Variants in UBE2E1 observed in about 807,000 individuals in gnomAD.
UBE2E1 encodes ubiquitin-conjugating enzyme E2 E1.
In UBE2E1, 6 loss-of-function variants were observed where a neutral mutation model predicts 21.4. That is an observed-to-expected ratio of 0.28 (90% CI 0.15 to 0.55). The LOEUF (loss-of-function observed/expected upper bound fraction) is 0.55, where lower values mean the gene tolerates loss of function less well. Ranked by LOEUF, UBE2E1 falls within the 20% of genes least tolerant of loss-of-function variation. The probability of loss-of-function intolerance (pLI) is 0.93; values close to 1 mark genes in which losing one functional copy is unlikely to be tolerated. For missense variants in UBE2E1, 142 were observed against 236.5 expected, an observed-to-expected ratio of 0.60 and a Z score of 2.62; for synonymous variants, 87 against 82.7, an observed-to-expected ratio of 1.05 and a Z score of -0.28.
chr3:23,867,319 G>C (rs924067221), intron 3 of UBE2E1, among the ~76,000 whole-genome samples: 1 of 152,108 alleles, frequency 6.6e-6, no homozygotes, highest in Non-Finnish European at 1.5e-5. Context: ...TTGGTTCTTG[G>C]AGTGATACTT....
At chr3:23,845,615 G>GTGTGTGTGTGTGTA (rs1559483398) in intron 3 of UBE2E1, among the ~76,000 whole-genome samples, 1 of 150,710 alleles carries the variant, frequency 6.6e-6, no homozygotes, top group Non-Finnish European at 1.5e-5. Context: ...GTGTGTGTGT[G>GTGTGTGTGTGTGTA]TATGTGTGTG....
intron 3 of UBE2E1, among the ~76,000 whole-genome samples, chr3:23,829,066 G>A (rs1019181829): frequency 5.4e-5 from 8 of 149,402 alleles, no homozygotes; most frequent in African/African-American, 7.4e-5. Context: ...CAGTTTCTCC[G>A]TCTTGTATTT....
At chr3:23,844,905 C>T (rs1700165162) in intron 3 of UBE2E1, among the ~76,000 whole-genome samples, 1 of 151,646 alleles carries the variant, frequency 6.6e-6, no homozygotes, top group Non-Finnish European at 1.5e-5. Context: ...CTTGGAGCAC[C>T]CAGAGATGGA....
intron 3 of UBE2E1, among the ~76,000 whole-genome samples, chr3:23,822,406 A>T (rs1309388008): frequency 6.6e-6 from 1 of 152,146 alleles, no homozygotes; most frequent in Non-Finnish European, 1.5e-5. Flanking sequence ...TAGTATATAT[A>T]ATTTTGTGGG....
rs1266013959 is a variant in UBE2E1, at chr3:23,863,847, G to A, written c.204-23720G>A. Among the ~76,000 whole-genome samples the A allele has an allele frequency of 6.6e-6, 1 of 152,030 alleles. No individual in the cohort carries two copies. Among genetic ancestry groups the A allele is most frequent in the African/African-American group, 2.4e-5 (1 of 41,402 alleles). On this transcript the variant is annotated intron_variant, in intron 3 of 5. Transcript: ENST00000306627. The surrounding 1 kb of genome is among the most constrained non-coding windows in gnomAD (Gnocchi z 4.3). Reference sequence around the variant, plus strand: ...GCCCAGCCTGAATTTTATCTTTTTTGAAGAAATCTCTCCCCAGAGCCATCT... The same window carrying A: ...GCCCAGCCTGAATTTTATCTTTTTTAAAGAAATCTCTCCCCAGAGCCATCT...
chr3:23,889,553 C>A (rs536532527), intron 5 of UBE2E1: 3 of 1,377,788 alleles, frequency 2.2e-6, no homozygotes, highest in African/African-American at 3.0e-5. Context: ...TGCTTAATTT[C>A]CCATAGAGTT....
At chr3:23,811,565 G>C in intron 3 of UBE2E1, 55 bp downstream of exon 3, 1 of 1,544,816 alleles carries the variant, frequency 6.5e-7, no homozygotes, top group Non-Finnish European at 8.9e-7. Flanking sequence ...CCTTTGTCTT[G>C]GGTTTTTCTT....
chr3:23,816,596 A>C lies in UBE2E1; in HGVS notation c.203+5086A>C, dbSNP rs1699524172. On this transcript the variant is annotated intron_variant, in intron 3 of 5. Coordinates refer to ENST00000306627, the MANE Select transcript of UBE2E1 (RefSeq NM_003341.5). The surrounding 1 kb of genome is among the most constrained non-coding windows in gnomAD (Gnocchi z 4.8). Reference sequence around the variant, plus strand: ...GTGGCGGGCACCTGTAGTCCCAGCTACTCAGGAGGCTGAGGCAGGAGAATG... The same window carrying C: ...GTGGCGGGCACCTGTAGTCCCAGCTCCTCAGGAGGCTGAGGCAGGAGAATG... Among the ~76,000 whole-genome samples, 1 of 152,060 alleles carries C rather than the reference A, an allele frequency of 6.6e-6. No individual in the cohort carries two copies. Among genetic ancestry groups the C allele is most frequent in the African/African-American group, 2.4e-5 (1 of 41,404 alleles).
At chr3:23,847,488 A>T (rs1012805274) in intron 3 of UBE2E1, among the ~76,000 whole-genome samples, 5 of 96,126 alleles carry the variant, frequency 5.2e-5, no homozygotes, top group Admixed American at 1.3e-4. Flanking sequence ...TGTACTTTAA[A>T]TTTTTTTTTT....
chr3:23,829,118 T>G (rs1699813087), intron 3 of UBE2E1, among the ~76,000 whole-genome samples: 1 of 148,704 alleles, frequency 6.7e-6, no homozygotes, highest in African/African-American at 2.5e-5. Flanking sequence ...TTCTTATTTT[T>G]GATAAGATGG....
At chr3:23,813,792 T>C (rs1436141874) in intron 3 of UBE2E1, among the ~76,000 whole-genome samples, 8 of 152,208 alleles carry the variant, frequency 5.3e-5, no homozygotes, top group African/African-American at 1.9e-4. Context: ...CTGCCCGCCT[T>C]GGCCTCCCAA....
chr3:23,889,600 C>T (rs558638258), intron 5 of UBE2E1: 4 of 985,274 alleles, frequency 4.1e-6, no homozygotes, highest in Admixed American at 1.2e-4. Context: ...AATGTCGAGT[C>T]ATCTGCCTGG....
intron 3 of UBE2E1, among the ~76,000 whole-genome samples, chr3:23,829,320 C>T (rs1397331325): frequency 1.1e-5 from 1 of 94,376 alleles, no homozygotes; most frequent in African/African-American, 4.7e-5. Context: ...TCCACAAAGT[C>T]CAGCTTTTTT....
At chr3:23,840,293 G>GT (rs1435245261) in intron 3 of UBE2E1, among the ~76,000 whole-genome samples, 2 of 152,008 alleles carry the variant, frequency 1.3e-5, no homozygotes, top group East Asian at 1.9e-4. Flanking sequence ...CTATTGATTG[G>GT]TTTTTTACCT....
intron 3 of UBE2E1, 109 bp downstream of exon 3, chr3:23,811,619 A>G: frequency 1.9e-6 from 2 of 1,045,058 alleles, no homozygotes; most frequent in Middle Eastern, 2.9e-4. Flanking sequence ...AATGCTTGTT[A>G]TGGCACTAAC....
chr3:23,843,653 C>T (rs1700138155), intron 3 of UBE2E1, among the ~76,000 whole-genome samples: 1 of 152,148 alleles, frequency 6.6e-6, no homozygotes, highest in African/African-American at 2.4e-5. Flanking sequence ...CTTCCAACTC[C>T]CCCAGAGCAT....
At chr3:23,811,389 C>T in intron 2 of UBE2E1, 71 bp from the exon 3 acceptor site, 2 of 1,443,570 alleles carry the variant, frequency 1.4e-6, no homozygotes, top group East Asian at 2.3e-5. Context: ...TGCAGACCTG[C>T]ACGCTACAGG....
At chr3:23,872,652 C>A (rs1238735022) in intron 3 of UBE2E1, among the ~76,000 whole-genome samples, 3 of 152,160 alleles carry the variant, frequency 2.0e-5, no homozygotes, top group Non-Finnish European at 4.4e-5. Flanking sequence ...TTTAAAACAT[C>A]TATGATTGAT....
At chr3:23,885,614 A>C (rs190977523) in intron 3 of UBE2E1, among the ~76,000 whole-genome samples, 1 of 152,282 alleles carries the variant, frequency 6.6e-6, no homozygotes, top group East Asian at 1.9e-4. Flanking sequence ...TAATCCCAGC[A>C]CTCTGGGAGG....
Sources: allele counts gnomAD v4.1 joint callset (sites outside exome capture counted in the v4.1 genomes callset), GRCh38; gene constraint gnomAD v4.1.1; non-coding constraint Gnocchi (gnomAD v3.1); transcripts MANE v1.5; gene names NCBI Gene and HGNC (gene_info 2026-07-23, HGNC 2026-07-21).